The following ABHD6 variants were observed in gnomAD, a reference collection of about 807,000 sequenced individuals.
ABHD6 encodes the protein abhydrolase domain containing 6, acylglycerol lipase, also known as monoacylglycerol lipase ABHD6.
Under a neutral mutation model 38.8 loss-of-function variants are expected in ABHD6, and 33 were observed. That is an observed-to-expected ratio of 0.85 (90% CI 0.64 to 1.14). The LOEUF is 1.14. Ranked by LOEUF, ABHD6 falls within the 50% of genes most tolerant of loss-of-function variation. The pLI is 0.00. For missense variants in ABHD6, 380 were observed against 422.6 expected, an observed-to-expected ratio of 0.90 and a Z score of 0.88; for synonymous variants, 147 against 161.6, an observed-to-expected ratio of 0.91 and a Z score of 0.69.
chr3:58,290,183 C>T (rs1575534203), intron 9 of ABHD6, among the ~76,000 whole-genome samples: 2 of 106,982 alleles, frequency 1.9e-5, no homozygotes, highest in Non-Finnish European at 3.8e-5. Flanking sequence ...CCCCCCACCT[C>T]CCTCCCGGAC....
At chr3:58,283,486 G>A (rs2097454787) in intron 7 of ABHD6, among the ~76,000 whole-genome samples, 1 of 152,202 alleles carries the variant, frequency 6.6e-6, no homozygotes, top group Non-Finnish European at 1.5e-5. Flanking sequence ...TTAGCACAGT[G>A]CTTGCATGAA....
intron 1 of ABHD6, among the ~76,000 whole-genome samples, chr3:58,247,568 G>GT (rs557771277): frequency 3.9e-5 from 6 of 152,048 alleles, no homozygotes; most frequent in South Asian, 2.1e-4. Context: ...GTTATTTTTT[G>GT]TTTTTTTGTT....
chr3:58,285,356 T>C lies in ABHD6; in HGVS notation c.740T>C (p.Phe247Ser). 1 of 1,614,090 alleles carries C rather than the reference T, an allele frequency of 6.2e-7. No individual in the cohort carries two copies. Among genetic ancestry groups the C allele is most frequent in the Non-Finnish European group, 8.5e-7 (1 of 1,179,926 alleles). ...TTTGTTTTCCTTTTCTGACAAGTGT[T>C]TTTGGAAATCGTCAGTGAGAAGTCC... is the stretch of plus-strand genomic sequence containing the variant. ...IPHNNFYRKL[F>S]LEIVSEKSRY... The change falls in exon 9 of 10, where the codon TTT becomes TCT. Residue 247 changes from phenylalanine to serine, a missense_variant. Physicochemically the swap from Phe to Ser is radical, Grantham distance 155 (BLOSUM62 -2). Coordinates refer to ENST00000478253, the MANE Select transcript of ABHD6 (RefSeq NM_001320126.2). The surrounding 1 kb of genome is among the most constrained non-coding windows in gnomAD (Gnocchi z 4.9).
At chr3:58,276,014 A>G (rs4681833) in intron 7 of ABHD6, among the ~76,000 whole-genome samples, 119,053 of 152,144 alleles carry the variant, frequency 0.78, 47,321 homozygotes, top group East Asian at 1. Context: ...CCAGTCTACC[A>G]TTGATAGACA....
chr3:58,271,072 A>G lies in ABHD6; in HGVS notation c.523+8A>G, dbSNP rs1168987077. 6.3e-7 allele frequency: 1 copy of G among 1,587,964 alleles called. No individual in the cohort carries two copies. Among genetic ancestry groups the G allele is most frequent in the Admixed American group, 1.9e-5 (1 of 52,858 alleles). On this transcript the variant is annotated splice_region_variant and intron_variant, in intron 6 of 9. Transcript: ENST00000478253. ...GTCTCGTGTGTCCTGCTGGTAAGTTATGAAGCTGAAACATCCCTCGGCAGG... is the reference window on the plus strand; with the variant it reads ...GTCTCGTGTGTCCTGCTGGTAAGTTGTGAAGCTGAAACATCCCTCGGCAGG...
chr3:58,265,953 A>T lies in ABHD6; in HGVS notation c.120-1236A>T, dbSNP rs1262380788. 6.6e-6 allele frequency among the ~76,000 whole-genome samples: 1 copy of T among 152,230 alleles called. No homozygotes were observed. The highest frequency in any genetic ancestry group is 1.5e-5 in the Non-Finnish European group (1 of 68,050). ...CAGTCCCACTTCACAATGGCAATTA[A>T]ATTTCAACATGAGTTTTGGAGGGGA... On this transcript the variant is annotated intron_variant, in intron 3 of 9. Coordinates refer to ENST00000478253, the MANE Select transcript of ABHD6 (RefSeq NM_001320126.2). This position sits in a 1 kb window ranked among gnomAD's most constrained non-coding sequence, Gnocchi z 4.2.
In ABHD6 at chr3:58,269,450, T is replaced by TA; in HGVS notation, c.390+17dup. 1.9e-6 allele frequency: 3 copies of TA among 1,589,328 alleles called. No individual in the cohort carries two copies. Among genetic ancestry groups the TA allele is most frequent in the Non-Finnish European group, 2.6e-6 (3 of 1,158,620 alleles). On this transcript the variant is annotated intron_variant, in intron 5 of 9. Transcript: ENST00000478253. This position sits in a 1 kb window ranked among gnomAD's most constrained non-coding sequence, Gnocchi z 4.4. The stretch of plus-strand genomic sequence containing the variant: ...GATACACCAGGTAAGCAGGAGGCTC[T>TA]ACCAAAGATTGCCCAGACTGTCTCA...
chr3:58,291,819 G>A (rs1554127), intron 9 of ABHD6, among the ~76,000 whole-genome samples: 119,146 of 152,042 alleles, frequency 0.78, 47,407 homozygotes, highest in East Asian at 1. Flanking sequence ...ATGATGGTGC[G>A]TACCTGTCAT....
At chr3:58,278,183 C>T (rs1339597626) in intron 7 of ABHD6, among the ~76,000 whole-genome samples, 3 of 152,204 alleles carry the variant, frequency 2.0e-5, no homozygotes, top group Non-Finnish European at 4.4e-5. Flanking sequence ...ATGGTACCAG[C>T]TCCTCTTTGT....
chr3:58,279,172 C>T (rs1439264639), intron 7 of ABHD6, among the ~76,000 whole-genome samples: 1 of 152,158 alleles, frequency 6.6e-6, no homozygotes, highest in Non-Finnish European at 1.5e-5. Flanking sequence ...CCTTCTGTCT[C>T]ATTGATCTGT....
intron 9 of ABHD6, among the ~76,000 whole-genome samples, chr3:58,290,136 C>T (rs2097460907): frequency 8.4e-6 from 1 of 118,832 alleles, no homozygotes; most frequent in Non-Finnish European, 1.7e-5. Flanking sequence ...CGCCCCTCAC[C>T]TCCCGGACGG....
chr3:58,294,091 A>C lies in ABHD6; in HGVS notation c.*326A>C. On this transcript the variant is annotated 3_prime_UTR_variant, in exon 10 of 10. Coordinates refer to ENST00000478253, the MANE Select transcript of ABHD6 (RefSeq NM_001320126.2). The stretch of plus-strand genomic sequence containing the variant: ...CTTGGACCATAATTAAATCAAGGAC[A>C]TTTTCTTTGAGACATTCCTTATAGT... 1 of 212,262 alleles carries C rather than the reference A, an allele frequency of 4.7e-6. No individual in the cohort carries two copies. Among genetic ancestry groups the C allele is most frequent in the Non-Finnish European group, 9.4e-6 (1 of 106,944 alleles). The allele number at this position is 212,262 out of a possible 1,614,324, so 13.1% of individuals were successfully genotyped here. A position where few individuals can be genotyped will look rare whatever the true frequency, so the allele number is the denominator to read the frequency against.
chr3:58,290,555 A>G (rs1368859804), intron 9 of ABHD6, among the ~76,000 whole-genome samples: 303 of 71,674 alleles, frequency 4.2e-3, no homozygotes, highest in East Asian at 0.012. Context: ...GTCGGCTGCC[A>G]GGCGGAGAGG....
In ABHD6 at chr3:58,274,728, G is replaced by A; in HGVS notation, c.594G>A (p.Glu198=). The A allele has an allele frequency of 6.2e-7, 1 of 1,614,234 alleles. No individual in the cohort carries two copies. Among genetic ancestry groups the A allele is most frequent in the Non-Finnish European group, 8.5e-7 (1 of 1,180,044 alleles). Residue 198 remains glutamate (E), a synonymous_variant, in exon 7 of 10, where the codon GAG becomes GAA. Coordinates refer to ENST00000478253, the MANE Select transcript of ABHD6 (RefSeq NM_001320126.2). ...LKELQGSAAV[E]KIPLIPSTPE... is the part of the protein sequence containing the mutation. ...AACTGCAGGGCTCTGCCGCCGTGGAGAAGATTCCCTTGATCCCGTCTACCC... is the reference window on the plus strand; with the variant it reads ...AACTGCAGGGCTCTGCCGCCGTGGAAAAGATTCCCTTGATCCCGTCTACCC...
At chr3:58,278,017 T>C (rs1274766279) in intron 7 of ABHD6, among the ~76,000 whole-genome samples, 2 of 152,246 alleles carry the variant, frequency 1.3e-5, no homozygotes, top group African/African-American at 4.8e-5. Flanking sequence ...CAGTATTTTA[T>C]TGAGGATTTT....
chr3:58,244,590 C>T (rs1430192591), intron 1 of ABHD6, among the ~76,000 whole-genome samples: 1 of 151,960 alleles, frequency 6.6e-6, no homozygotes, highest in African/African-American at 2.4e-5. Flanking sequence ...CATAGAGAGA[C>T]CCCATCTCTG....
At chr3:58,279,467 C>T (rs2097451300) in intron 7 of ABHD6, among the ~76,000 whole-genome samples, 1 of 152,106 alleles carries the variant, frequency 6.6e-6, no homozygotes, top group Non-Finnish European at 1.5e-5. Flanking sequence ...CTTCCCCCAT[C>T]CCTTTATTTT....
intron 7 of ABHD6, among the ~76,000 whole-genome samples, chr3:58,280,083 C>T (rs1176707178): frequency 2.0e-5 from 3 of 152,104 alleles, no homozygotes; most frequent in South Asian, 2.1e-4. Context: ...TTGCTATTCT[C>T]GAGTAGTATC....
Position 58,256,970 on chromosome 3 carries a change from C to A in ABHD6, c.119+265C>A, listed in dbSNP as rs2107437396. On this transcript the variant is annotated intron_variant, in intron 3 of 9. Transcript: ENST00000478253. The surrounding 1 kb of genome is among the most constrained non-coding windows in gnomAD (Gnocchi z 4.3). ...CCAGGCTGGAGTGCAGTGGGATGAT[C>A]TCAGCTCACTGCAACCTCCACCTCC... Among the ~76,000 whole-genome samples the A allele has an allele frequency of 6.6e-6, 1 of 152,242 alleles. No individual in the cohort carries two copies. The highest frequency in any genetic ancestry group is 2.1e-4 in the South Asian group (1 of 4,826).
Sources: gnomAD v4.1 joint callset for allele counts (sites outside exome capture counted in the v4.1 genomes callset) on GRCh38, gnomAD v4.1.1 for gene constraint, Gnocchi (gnomAD v3.1) non-coding constraint, MANE v1.5 for transcripts, NCBI Gene and HGNC (gene_info 2026-07-23, HGNC 2026-07-21) for gene names.